The following PHF10 variants were observed in gnomAD, a reference collection of about 807,000 sequenced individuals.
The protein encoded by PHF10 is BRG1-associated factor 45a.
Under a neutral mutation model 68.5 loss-of-function variants are expected in PHF10, and 51 were observed. The observed-to-expected ratio is 0.74, with a 90% CI of 0.59 to 0.94. The LOEUF (loss-of-function observed/expected upper bound fraction) is 0.94, where lower values mean the gene tolerates loss of function less well. Ranked by LOEUF, PHF10 falls within the 40% of genes least tolerant of loss-of-function variation. PHF10 has a pLI of 0.00. For missense variants in PHF10, 460 were observed against 602.6 expected (o/e 0.76, Z 2.48); for synonymous variants, 204 against 203.5 (o/e 1.00, Z -0.02).
At chr6:169,709,968 A>G in intron 9 of PHF10, 1 of 239,546 alleles carries the variant, frequency 4.2e-6, no homozygotes. Flanking sequence ...TTAAAAACCC[A>G]TACTTGCCTG....
chr6:169,703,934 A>T lies in PHF10; in HGVS notation c.*69T>A. ...CAAAAAAAATCTTTTATTGGCATGA[A>T]AATAATGTTGTAAATGGCACCAAAT... On this transcript the variant is annotated 3_prime_UTR_variant, in exon 12 of 12. Transcript: ENST00000339209. 1 of 1,265,030 alleles carries T rather than the reference A, an allele frequency of 7.9e-7. No individual in the cohort carries two copies. The highest frequency in any genetic ancestry group is 1.1e-6 in the Non-Finnish European group (1 of 913,458). 78.4% of individuals were successfully genotyped at this position (1,265,030 alleles called of 1,614,324 possible). A position where few individuals can be genotyped will look rare whatever the true frequency, so the allele number is the denominator to read the frequency against.
chr6:169,711,601 T>C (rs1585300430), intron 8 of PHF10, among the ~76,000 whole-genome samples: 1 of 152,326 alleles, frequency 6.6e-6, no homozygotes, highest in Admixed American at 6.5e-5. Flanking sequence ...TTGCATGCCA[T>C]AGCTCCCCTT....
chr6:169,718,932 T>C lies in PHF10; in HGVS notation c.195-14A>G. 6 of 1,503,018 alleles carry C rather than the reference T, an allele frequency of 4.0e-6. No homozygotes were observed. The East Asian group carries it at 6.8e-5, about 17-fold the overall frequency. 93.1% of individuals were successfully genotyped at this position (1,503,018 alleles called of 1,614,324 possible). A position where few individuals can be genotyped will look rare whatever the true frequency, so the allele number is the denominator to read the frequency against. On this transcript the variant is annotated splice_polypyrimidine_tract_variant and intron_variant, in intron 2 of 11. Coordinates refer to ENST00000339209, the MANE Select transcript of PHF10 (RefSeq NM_018288.4). ...TAGTAACTAAAACTAAGTACAGAAA[T>C]ACATATTATGCATTAAATGTAGCTT...
At chr6:169,716,514 C>T (rs1198908303) in intron 4 of PHF10, among the ~76,000 whole-genome samples, 1 of 151,798 alleles carries the variant, frequency 6.6e-6, no homozygotes, top group African/African-American at 2.4e-5. Flanking sequence ...TAAAATTTCA[C>T]CAAAAACATC....
Position 169,724,047 on chromosome 6 carries a change from C to A in PHF10, c.-116G>T, listed in dbSNP as rs1789261513. 6.8e-6 allele frequency: 1 copy of A among 147,116 alleles called. No homozygotes were observed. Among genetic ancestry groups the A allele is most frequent in the Non-Finnish European group, 1.4e-5 (1 of 69,124 alleles). The allele number at this position is 147,116 out of a possible 1,614,324, so 9.1% of individuals were successfully genotyped here. A position where few individuals can be genotyped will look rare whatever the true frequency, so the allele number is the denominator to read the frequency against. On this transcript the variant is annotated 5_prime_UTR_variant, in exon 1 of 12. Transcript: ENST00000339209. ...CGCGCGGGCCCCCCGCCGCCCCGGC[C>A]CCGCCCCCTCCGCCCGCCCGCCCGG...
At chr6:169,706,120 A>G (rs1381359641) in intron 9 of PHF10, among the ~76,000 whole-genome samples, 1 of 152,192 alleles carries the variant, frequency 6.6e-6, no homozygotes, top group South Asian at 2.1e-4. Flanking sequence ...AATAGCTCAT[A>G]TATTAATTTT....
intron 1 of PHF10, 77 bp downstream of exon 1, chr6:169,723,768 C>G: frequency 2.4e-6 from 1 of 417,806 alleles, no homozygotes; most frequent in Non-Finnish European, 3.5e-6. Flanking sequence ...GGGCGGCCGC[C>G]GGTGGGACTG....
chr6:169,722,914 G>A (rs946870937), intron 1 of PHF10, among the ~76,000 whole-genome samples: 2 of 152,250 alleles, frequency 1.3e-5, no homozygotes, highest in Non-Finnish European at 2.9e-5. Flanking sequence ...AATGCTGGAA[G>A]TGCAAGGATG....
At chr6:169,718,384 A>G (rs1789100288) in intron 3 of PHF10, among the ~76,000 whole-genome samples, 1 of 152,224 alleles carries the variant, frequency 6.6e-6, no homozygotes, top group African/African-American at 2.4e-5. Flanking sequence ...AAACACAGCC[A>G]GGCGTGGTGG....
intron 6 of PHF10, among the ~76,000 whole-genome samples, chr6:169,715,492 G>A (rs1005109503): frequency 2.6e-5 from 4 of 152,050 alleles, no homozygotes; most frequent in Non-Finnish European, 4.4e-5. Flanking sequence ...GCCTGAACCC[G>A]GGAGGCGGAG....
At chr6:169,710,478 G>A (rs1474538123) in intron 8 of PHF10, 87 bp from the exon 9 acceptor site, 7 of 956,290 alleles carry the variant, frequency 7.3e-6, no homozygotes, top group Non-Finnish European at 1.1e-5. Context: ...AATATTCAAA[G>A]AAAGTTTTAA....
chr6:169,706,335 A>C (rs1363058555), intron 9 of PHF10, among the ~76,000 whole-genome samples: 2 of 152,186 alleles, frequency 1.3e-5, no homozygotes, highest in African/African-American at 2.4e-5. Flanking sequence ...TTGCATGTCT[A>C]ATAAAAGAAT....
At position 169,705,175 on chromosome 6, in the gene PHF10, C is replaced by T. The variant is rs751115971; in HGVS notation, c.1369G>A (p.Gly457Ser). 2 of 1,612,216 alleles carry T rather than the reference C, an allele frequency of 1.2e-6. No individual in the cohort carries two copies. The highest frequency in any genetic ancestry group is 2.2e-5 in the South Asian group (2 of 90,630). ...AGGCCCACACAAAAAGTATGATAACCTCTGTCACACATATCACAGAACATC... is the reference window on the plus strand; with the variant it reads ...AGGCCCACACAAAAAGTATGATAACTTCTGTCACACATATCACAGAACATC... ...EMMFCDMCDR[G>S]YHTFCVGLGA... The change falls in exon 11 of 12, where the codon GGT (glycine) becomes AGT (serine). Residue 457 changes from glycine to serine, a missense_variant. This residue lies in a region of PHF10 where 111 missense variants were observed against 109.7 expected (regional missense o/e 1.01). Coordinates refer to ENST00000339209, the MANE Select transcript of PHF10 (RefSeq NM_018288.4).
Position 169,717,857 on chromosome 6 carries a change from C to T in PHF10, c.375G>A (p.Glu125=). The T allele has an allele frequency of 6.4e-7, 1 of 1,567,092 alleles. No homozygotes were observed. The highest frequency in any genetic ancestry group is 8.7e-7 in the Non-Finnish European group (1 of 1,143,272). Residue 125 remains glutamate, a synonymous_variant, in exon 4 of 12, where the codon GAG becomes GAA. Transcript: ENST00000339209. ...LSHKEKLYLR[E]LNVITETQCT... ...ACTGAGTTTCAGTAATGACATTTAG[C>T]TCTCTCAGGTAGAGTTTCTCCTTGT...
At chr6:169,721,691 A>AGAG (rs58588902) in intron 1 of PHF10, among the ~76,000 whole-genome samples, 25,748 of 151,950 alleles carry the variant, frequency 0.17, 2,697 homozygotes, top group East Asian at 0.29. Flanking sequence ...TTTTTAAAGA[A>AGAG]GATTATATAT....
chr6:169,709,070 T>C (rs1280008636), intron 9 of PHF10: 1 of 148,598 alleles, frequency 6.7e-6, no homozygotes, highest in Non-Finnish European at 1.5e-5. Flanking sequence ...TGCTATAGGC[T>C]ACAAAAAAAA....
chr6:169,711,296 T>C (rs1210281890), intron 8 of PHF10, among the ~76,000 whole-genome samples: 5 of 152,230 alleles, frequency 3.3e-5, no homozygotes, highest in Non-Finnish European at 5.9e-5. Flanking sequence ...TCATTAAATA[T>C]TCTTTGAACT....
intron 7 of PHF10, among the ~76,000 whole-genome samples, chr6:169,713,583 C>T (rs868716135): frequency 5.6e-4 from 79 of 140,684 alleles, no homozygotes; most frequent in Middle Eastern, 4.0e-3. Flanking sequence ...TGGGCGACAG[C>T]GTGAGACTCC....
At chr6:169,709,976 CT>C in intron 9 of PHF10, 1 of 252,948 alleles carries the variant, frequency 4.0e-6, no homozygotes, top group Non-Finnish European at 7.4e-6. Context: ...CCATACTTGC[CT>C]GGTTATTCTT....
Sources: gnomAD v4.1 joint callset for allele counts (sites outside exome capture counted in the v4.1 genomes callset) on GRCh38, gnomAD v4.1.1 for gene constraint, gnomAD v4.1.1 regional missense constraint, MANE v1.5 for transcripts, NCBI Gene and HGNC (gene_info 2026-07-23, HGNC 2026-07-21) for gene names.